The following UBA6 variants were observed in gnomAD, a reference collection of about 807,000 sequenced individuals.
UBA6 encodes the protein ubiquitin like modifier activating enzyme 6.
Under a neutral mutation model 148.3 loss-of-function variants are expected in UBA6, and 87 were observed. The ratio of observed to expected loss-of-function variants is 0.59; its 90% CI spans 0.49 to 0.70. The LOEUF (loss-of-function observed/expected upper bound fraction) is 0.70. Ranked by LOEUF, UBA6 falls within the 30% of genes least tolerant of loss-of-function variation. The probability of loss-of-function intolerance (pLI) is 0.00; values close to 1 mark genes in which losing one functional copy is unlikely to be tolerated. For synonymous variants in UBA6, 376 were observed against 401.0 expected (o/e 0.94, Z 0.75); for missense variants, 1,186 against 1,241.2 (o/e 0.96, Z 0.67).
At chr4:67,676,181 G>T (rs879768403) in intron 6 of UBA6, among the ~76,000 whole-genome samples, 1 of 151,790 alleles carries the variant, frequency 6.6e-6, no homozygotes, top group Non-Finnish European at 1.5e-5. Flanking sequence ...GCACCACCAC[G>T]CCCGGCTAAT....
chr4:67,670,542 G>T lies in UBA6; in HGVS notation c.597C>A (p.Phe199Leu), dbSNP rs140398587. ...HGIWSRLFCD[F>L]GDEFEVLDTT... ...TATCTAAAACTTCAAATTCATCACC[G>T]AAATCACAAAATAACCTTGACCAAA... Residue 199 changes from phenylalanine (F) to leucine (L), a missense_variant, in exon 8 of 33, where the codon TTC becomes TTA. By Grantham distance (22) the Phe-to-Leu change is conservative. Transcript: ENST00000322244. The T allele has an allele frequency of 1.9e-6, 3 of 1,609,366 alleles. No individual in the cohort carries two copies. Among genetic ancestry groups the T allele is most frequent in the Admixed American group, 1.7e-5 (1 of 59,950 alleles).
intron 19 of UBA6, among the ~76,000 whole-genome samples, chr4:67,636,286 T>C (rs1017649552): frequency 3.3e-5 from 5 of 152,230 alleles, no homozygotes; most frequent in Non-Finnish European, 7.4e-5. Context: ...AAAAAGTACA[T>C]AGTGTTATGA....
chr4:67,645,317 T>C (rs1306443965), intron 16 of UBA6, among the ~76,000 whole-genome samples: 1 of 152,134 alleles, frequency 6.6e-6, no homozygotes, highest in African/African-American at 2.4e-5. Flanking sequence ...AAATACAGAA[T>C]AGGCTGGGTG....
intron 2 of UBA6, among the ~76,000 whole-genome samples, chr4:67,696,228 G>A (rs990910503): frequency 2.6e-5 from 4 of 151,898 alleles, no homozygotes; most frequent in Admixed American, 1.3e-4. Context: ...ACTTAAATAC[G>A]TATTATTGTC....
At chr4:67,638,462 G>T in intron 19 of UBA6, 1 of 161,152 alleles carries the variant, frequency 6.2e-6, no homozygotes, top group South Asian at 1.7e-4. Context: ...ACCCAGGACT[G>T]ATGGCATTCC....
At chr4:67,674,485 T>C (rs1387162926) in intron 6 of UBA6, among the ~76,000 whole-genome samples, 1 of 152,196 alleles carries the variant, frequency 6.6e-6, no homozygotes, top group East Asian at 1.9e-4. Context: ...ACCTACTGCA[T>C]GTGCATTCAC....
chr4:67,635,588 A>T, intron 19 of UBA6, 30 bp from the exon 20 acceptor site: 1 of 1,388,596 alleles, frequency 7.2e-7, no homozygotes, highest in Non-Finnish European at 1.0e-6. Flanking sequence ...GTAAAAAACA[A>T]AAAAGTGAGC....
intron 8 of UBA6, 76 bp from the exon 9 acceptor site, chr4:67,668,750 A>T: frequency 7.2e-7 from 1 of 1,392,638 alleles, no homozygotes; most frequent in Non-Finnish European, 9.7e-7. Flanking sequence ...TCTTAAGCAA[A>T]AATGACAAAG....
intron 13 of UBA6, among the ~76,000 whole-genome samples, chr4:67,660,197 C>A (rs1217209146): frequency 1.3e-5 from 2 of 152,144 alleles, no homozygotes; most frequent in Non-Finnish European, 1.5e-5. Context: ...AAGAAAAATC[C>A]ATTTTCTGAG....
intron 13 of UBA6, among the ~76,000 whole-genome samples, chr4:67,654,046 C>T (rs563019098): frequency 6.6e-6 from 1 of 152,000 alleles, no homozygotes; most frequent in African/African-American, 2.4e-5. Flanking sequence ...GTGAAAAGAC[C>T]AAATCTGCGT....
chr4:67,644,535 A>G (rs754468332), intron 17 of UBA6, among the ~76,000 whole-genome samples, 163 bp downstream of exon 17: 8 of 152,316 alleles, frequency 5.3e-5, no homozygotes, highest in African/African-American at 1.7e-4. Flanking sequence ...ACAAGGTAAC[A>G]TAAGTTTTGA....
intron 14 of UBA6, among the ~76,000 whole-genome samples, chr4:67,647,154 C>T (rs551069637): frequency 3.2e-4 from 49 of 152,110 alleles, no homozygotes; most frequent in Non-Finnish European, 6.3e-4. Flanking sequence ...GAATAAGCAA[C>T]TTGATTACTT....
chr4:67,665,158 A>G lies in UBA6; in HGVS notation c.897+31T>C, dbSNP rs769849295. ...TCTGCCTTTCTTTTTCTGTAAAAAA[A>G]TGTTTTTTAAGCCGAAAAAAAAATA... On this transcript the variant is annotated intron_variant, in intron 10 of 32. Transcript: ENST00000322244. 3 of 1,380,690 alleles carry G rather than the reference A, an allele frequency of 2.2e-6. No homozygotes were observed. In the African/African-American group the frequency reaches 4.4e-5, roughly 20 times the overall value. 85.5% of individuals were successfully genotyped at this position (1,380,690 alleles called of 1,614,324 possible). A position where few individuals can be genotyped will look rare whatever the true frequency, so the allele number is the denominator to read the frequency against.
chr4:67,638,378 AC>A (rs1560482706), intron 19 of UBA6: 2 of 159,590 alleles, frequency 1.3e-5, no homozygotes, highest in African/African-American at 2.4e-5. Context: ...TTTGGTGTCC[AC>A]CCCCGTGCCC....
intron 18 of UBA6, among the ~76,000 whole-genome samples, chr4:67,640,126 T>A (rs79891207): frequency 1.3e-5 from 2 of 152,222 alleles, no homozygotes; most frequent in Non-Finnish European, 2.9e-5. Context: ...GTTTTAACGG[T>A]ATTTCTGTCT....
chr4:67,681,008 C>A (rs1205007742), intron 4 of UBA6, among the ~76,000 whole-genome samples: 1 of 152,156 alleles, frequency 6.6e-6, no homozygotes, highest in East Asian at 1.9e-4. Flanking sequence ...GCAGGCCCTG[C>A]TAATACCTTG....
rs536002419 is a variant in UBA6, at chr4:67,660,640, T to C, written c.1104+1549A>G. On this transcript the variant is annotated intron_variant, in intron 13 of 32. Transcript: ENST00000322244. ...GGGTGGGGCCCTCATGGAGAACTTC[T>C]TGCTAAGGCAGTGCAGAAGGATAAT... Among the ~76,000 whole-genome samples, 7 of 152,326 alleles carry C rather than the reference T, an allele frequency of 4.6e-5. No homozygotes were observed. In the South Asian group the frequency reaches 1.4e-3, roughly 32 times the overall value.
At chr4:67,657,024 A>G (rs1371089306) in intron 13 of UBA6, among the ~76,000 whole-genome samples, 1 of 152,224 alleles carries the variant, frequency 6.6e-6, no homozygotes, top group Non-Finnish European at 1.5e-5. Flanking sequence ...GCTCAACGAA[A>G]TAAAAGAGGA....
rs1168395404 is a variant in UBA6, at chr4:67,663,220, T to G, written c.961-5A>C. On this transcript the variant is annotated splice_region_variant and splice_polypyrimidine_tract_variant and intron_variant, in intron 11 of 32. Coordinates refer to ENST00000322244, the MANE Select transcript of UBA6 (RefSeq NM_018227.6). ...TGTGTGAATCTCTAAAGGTGCCTAT[T>G]GAGAACATTAAAAATCGGCCAACAT... is the stretch of plus-strand genomic sequence containing the variant. The G allele has an allele frequency of 1.2e-6, 2 of 1,602,058 alleles. No homozygotes were observed. The highest frequency in any genetic ancestry group is 1.7e-6 in the Non-Finnish European group (2 of 1,175,184).
Sources: allele counts gnomAD v4.1 joint callset (sites outside exome capture counted in the v4.1 genomes callset), GRCh38; gene constraint gnomAD v4.1.1; transcripts MANE v1.5; gene names NCBI Gene and HGNC (gene_info 2026-07-23, HGNC 2026-07-21).